The following PKIB variants were observed in gnomAD, a reference collection of about 807,000 sequenced individuals.
PKIB encodes PKI-beta.
In PKIB, 2 loss-of-function variants were observed where a neutral mutation model predicts 4.5. The ratio of observed to expected loss-of-function variants is 0.44; its 90% CI spans 0.18 to 1.39. The LOEUF (loss-of-function observed/expected upper bound fraction) is 1.39, where lower values mean the gene tolerates loss of function less well. Ranked by LOEUF, PKIB falls within the 40% of genes most tolerant of loss-of-function variation. The pLI, the probability that PKIB is intolerant of heterozygous loss-of-function variation, is 0.27. For synonymous variants in PKIB, 38 were observed against 36.0 expected, an observed-to-expected ratio of 1.06 and a Z score of -0.20; for missense variants, 94 against 92.6, an observed-to-expected ratio of 1.02 and a Z score of -0.06.
intron 1 of PKIB, among the ~76,000 whole-genome samples, chr6:122,474,295 G>C (rs1250636603): frequency 6.6e-6 from 1 of 152,182 alleles, no homozygotes; most frequent in Non-Finnish European, 1.5e-5. Flanking sequence ...AGCTTGGATG[G>C]TACTGCCTGT....
At chr6:122,577,448 T>C (rs1445058764) in intron 2 of PKIB, among the ~76,000 whole-genome samples, 1 of 152,164 alleles carries the variant, frequency 6.6e-6, no homozygotes, top group East Asian at 1.9e-4. Context: ...GATGAACATT[T>C]GTGATAAAGA....
chr6:122,694,327 G>A (rs967541268), intron 3 of PKIB, among the ~76,000 whole-genome samples: 5 of 152,192 alleles, frequency 3.3e-5, no homozygotes, highest in African/African-American at 1.2e-4. Context: ...AGACTTCCCA[G>A]CTGAGTCTTA....
chr6:122,582,254 C>T (rs1185428129), intron 2 of PKIB, among the ~76,000 whole-genome samples: 4 of 151,812 alleles, frequency 2.6e-5, no homozygotes, highest in Non-Finnish European at 5.9e-5. Flanking sequence ...TATTCTTCAC[C>T]AAGCAGAACT....
chr6:122,725,173 A>G lies in PKIB; in HGVS notation c.215A>G (p.Lys72Arg). Residue 72 changes from lysine to arginine, a missense_variant, in exon 5 of 5, where the codon AAG (lysine) becomes AGG (arginine). Transcript: ENST00000368452. ...AAAACAACACAAGACCAATTGGAAA[A>G]GCCTCAAAATGAAGAAAAATGAAGG... The part of the protein sequence containing the change: ...DEKTTQDQLE[K>R]PQNEEK The G allele has an allele frequency of 6.2e-7, 1 of 1,611,774 alleles. No homozygotes were observed. Among genetic ancestry groups the G allele is most frequent in the Non-Finnish European group, 8.5e-7 (1 of 1,179,138 alleles).
intron 2 of PKIB, among the ~76,000 whole-genome samples, chr6:122,635,714 C>G (rs1775894400): frequency 6.6e-6 from 1 of 151,966 alleles, no homozygotes; most frequent in South Asian, 2.1e-4. Flanking sequence ...AAAGTGATTT[C>G]ATAGTCTTAG....
intron 1 of PKIB, among the ~76,000 whole-genome samples, chr6:122,616,029 T>G (rs1399639430): frequency 6.6e-6 from 1 of 152,170 alleles, no homozygotes; most frequent in African/African-American, 2.4e-5. Context: ...GGGGTGAAGA[T>G]ATCCAAGAAG....
intron 2 of PKIB, among the ~76,000 whole-genome samples, chr6:122,502,664 C>T (rs939266846): frequency 2.0e-5 from 3 of 152,140 alleles, no homozygotes; most frequent in African/African-American, 7.2e-5. Flanking sequence ...GTGGGGATTA[C>T]AATTCCACAT....
At position 122,725,574 on chromosome 6, in the gene PKIB, C is replaced by G. The variant is rs912683496; in HGVS notation, c.*379C>G. 6.2e-6 allele frequency: 1 copy of G among 162,432 alleles called. No individual in the cohort carries two copies. Among genetic ancestry groups the G allele is most frequent in the African/African-American group, 2.4e-5 (1 of 41,882 alleles). The allele number at this position is 162,432 out of a possible 1,614,324, so 10.1% of individuals were successfully genotyped here. ...TCATTCTTGGTAAATGTAAATCAAACATGATTGATTTAAAACTTCATGGAA... is the reference window on the plus strand; with the variant it reads ...TCATTCTTGGTAAATGTAAATCAAAGATGATTGATTTAAAACTTCATGGAA... On this transcript the variant is annotated 3_prime_UTR_variant, in exon 5 of 5. Transcript: ENST00000368452.
At chr6:122,639,508 TAA>T in intron 2 of PKIB, among the ~76,000 whole-genome samples, 1 of 152,190 alleles carries the variant, frequency 6.6e-6, no homozygotes, top group Non-Finnish European at 1.5e-5. Context: ...GGATCAGAGC[TAA>T]AGACACTGCA....
chr6:122,564,955 G>A (rs1300033636), intron 2 of PKIB, among the ~76,000 whole-genome samples: 1 of 152,154 alleles, frequency 6.6e-6, no homozygotes, highest in Non-Finnish European at 1.5e-5. Context: ...ATATAGACTA[G>A]TTACTGGAAA....
chr6:122,510,639 C>A (rs1351591222), intron 2 of PKIB, among the ~76,000 whole-genome samples: 2 of 152,246 alleles, frequency 1.3e-5, no homozygotes, highest in Non-Finnish European at 2.9e-5. Flanking sequence ...TGCCATCTAC[C>A]AAACTTTTTA....
intron 2 of PKIB, among the ~76,000 whole-genome samples, chr6:122,505,807 G>T (rs1300506074): frequency 1.3e-5 from 2 of 152,068 alleles, no homozygotes; most frequent in African/African-American, 4.8e-5. Context: ...CATTGTATTT[G>T]TAATTGATGC....
rs530391839 is a variant in PKIB at position 122,500,652 on chromosome 6, T to A, written c.-248+22713T>A. On this transcript the variant is annotated intron_variant, in intron 2 of 6. Coordinates refer to the PKIB transcript ENST00000392491. ...CAATTCCTAGAAAACAAGTAGGCAT[T>A]GCATTTTCTTAGATATGGAGAAATT... Among the ~76,000 whole-genome samples the A allele has an allele frequency of 2.0e-4, 30 of 152,302 alleles. No homozygotes were observed. In the South Asian group the frequency reaches 5.8e-3, roughly 30 times the overall value.
chr6:122,576,314 A>G (rs1454497091), intron 2 of PKIB, among the ~76,000 whole-genome samples: 1 of 151,466 alleles, frequency 6.6e-6, no homozygotes, highest in Non-Finnish European at 1.5e-5. Context: ...CCTGGCTAAC[A>G]TGGTGATGAT....
chr6:122,541,150 T>C (rs1218190126), intron 2 of PKIB, among the ~76,000 whole-genome samples: 2 of 151,934 alleles, frequency 1.3e-5, no homozygotes, highest in Non-Finnish European at 2.9e-5. Context: ...TGCCAGTCTG[T>C]GTCTTTTAAT....
At chr6:122,511,575 G>A (rs985426470) in intron 2 of PKIB, among the ~76,000 whole-genome samples, 10 of 152,256 alleles carry the variant, frequency 6.6e-5, no homozygotes, top group South Asian at 6.2e-4. Flanking sequence ...TAGGGTACCC[G>A]AACTCTAGTG....
chr6:122,699,334 T>G (rs1440791118), intron 3 of PKIB, among the ~76,000 whole-genome samples: 1 of 152,040 alleles, frequency 6.6e-6, no homozygotes, highest in Non-Finnish European at 1.5e-5. Context: ...AAACTGTGAC[T>G]GCTAAACTGC....
chr6:122,532,372 G>A (rs545048114), intron 2 of PKIB, among the ~76,000 whole-genome samples: 18 of 151,882 alleles, frequency 1.2e-4, no homozygotes, highest in African/African-American at 4.3e-4. Flanking sequence ...CCTTTTTATT[G>A]TGGTAAAATA....
intron 2 of PKIB, chr6:122,643,606 T>C (rs1776199049): frequency 6.6e-6 from 1 of 152,220 alleles, no homozygotes; most frequent in African/African-American, 2.4e-5. Flanking sequence ...GTTCAGCCTG[T>C]AGTATTCTAA....
Sources: gnomAD v4.1 joint callset for allele counts (sites outside exome capture counted in the v4.1 genomes callset) on GRCh38, gnomAD v4.1.1 for gene constraint, MANE v1.5 for transcripts, NCBI Gene and HGNC (gene_info 2026-07-23, HGNC 2026-07-21) for gene names.